SLCO6A1: variants seen among roughly 807,000 people sequenced by gnomAD.
The protein encoded by SLCO6A1 is solute carrier organic anion transporter family member 6A1.
SLCO6A1 carries 65 observed loss-of-function variants against 72.7 expected under a neutral mutation model. That is an observed-to-expected ratio of 0.89 (90% CI 0.73 to 1.10). The LOEUF (loss-of-function observed/expected upper bound fraction) is 1.10. Ranked by LOEUF, SLCO6A1 falls within the 50% of genes least tolerant of loss-of-function variation. The pLI, the probability that SLCO6A1 is intolerant of heterozygous loss-of-function variation, is 0.00. For synonymous variants in SLCO6A1, 314 were observed against 298.2 expected (o/e 1.05, Z -0.55); for missense variants, 874 against 872.6 (o/e 1.00, Z -0.02).
intron 9 of SLCO6A1, among the ~76,000 whole-genome samples, chr5:102,406,575 C>T (rs906053252): frequency 1.3e-5 from 2 of 151,708 alleles, no homozygotes; most frequent in African/African-American, 4.8e-5. Context: ...GAAAATTTGG[C>T]TTAAAATTAG....
At chr5:102,375,854 G>A (rs1901513) in intron 12 of SLCO6A1, among the ~76,000 whole-genome samples, 51,220 of 151,692 alleles carry the variant, frequency 0.34, 8,813 homozygotes, top group Middle Eastern at 0.37. Flanking sequence ...GGAAAAATGA[G>A]ATAAAATAAA....
intron 9 of SLCO6A1, among the ~76,000 whole-genome samples, chr5:102,406,665 T>C (rs1296211782): frequency 1.3e-5 from 2 of 152,100 alleles, no homozygotes; most frequent in African/African-American, 4.8e-5. Context: ...ATAGTTATGA[T>C]TAATGTGTTC....
At chr5:102,471,050 T>C (rs1011226055) in intron 4 of SLCO6A1, among the ~76,000 whole-genome samples, 4 of 151,978 alleles carry the variant, frequency 2.6e-5, no homozygotes, top group Non-Finnish European at 5.9e-5. Flanking sequence ...GGGCATGGTT[T>C]TTCTTTCGTG....
chr5:102,395,504 T>C (rs1747022569), intron 10 of SLCO6A1, among the ~76,000 whole-genome samples: 1 of 152,214 alleles, frequency 6.6e-6, no homozygotes, highest in South Asian at 2.1e-4. Flanking sequence ...TAAACATACA[T>C]GTGCATGTGT....
intron 12 of SLCO6A1, among the ~76,000 whole-genome samples, chr5:102,386,907 C>G (rs556854963): frequency 3.3e-5 from 5 of 152,160 alleles, no homozygotes; most frequent in African/African-American, 4.8e-5. Flanking sequence ...GAGGGTATCT[C>G]TCTGCACTGT....
intron 9 of SLCO6A1, among the ~76,000 whole-genome samples, chr5:102,401,236 A>C (rs1747382087): frequency 6.6e-6 from 1 of 152,130 alleles, no homozygotes; most frequent in Non-Finnish European, 1.5e-5. Flanking sequence ...CTTGCTTGAA[A>C]AGTTGAAAGA....
chr5:102,402,271 C>T (rs569995965), intron 9 of SLCO6A1, among the ~76,000 whole-genome samples: 1 of 152,090 alleles, frequency 6.6e-6, no homozygotes, highest in East Asian at 1.9e-4. Context: ...GAAAGAGCCT[C>T]AAGATGAATT....
rs76193868 is a variant in SLCO6A1 at position 102,373,384 on chromosome 5, T to C, written c.2128A>G (p.Lys710Glu). Residue 710 changes from lysine to glutamate, a missense_variant, in exon 13 of 14, where the codon AAA becomes GAA. Physicochemically the swap from Lys to Glu is moderately conservative, Grantham distance 56. Transcript: ENST00000506729. ...DFPDVTVKNPKVKKKEETDL is the reference protein window; with the variant it reads ...DFPDVTVKNPEVKKKEETDL Reference sequence around the variant, plus strand: ...TCAGTTTCTTCTTTTTTCTTAACTTTTGGATTCTTCACAGTTACATCTGGG... The same window carrying C: ...TCAGTTTCTTCTTTTTTCTTAACTTCTGGATTCTTCACAGTTACATCTGGG... 315 of 1,575,166 alleles carry C rather than the reference T, an allele frequency of 2.0e-4. No homozygotes were observed. The African/African-American group carries it at 3.4e-3, about 17-fold the overall frequency.
At chr5:102,439,519 T>C (rs1204043487) in intron 6 of SLCO6A1, among the ~76,000 whole-genome samples, 1 of 152,162 alleles carries the variant, frequency 6.6e-6, no homozygotes, top group African/African-American at 2.4e-5. Flanking sequence ...TTAGGTATGA[T>C]CATAGTCTGC....
chr5:102,380,921 T>C (rs981222302), intron 12 of SLCO6A1, among the ~76,000 whole-genome samples: 1 of 151,992 alleles, frequency 6.6e-6, no homozygotes, highest in African/African-American at 2.4e-5. Flanking sequence ...CACCAGTCCA[T>C]GGAATTCTTT....
intron 9 of SLCO6A1, among the ~76,000 whole-genome samples, chr5:102,409,655 C>T (rs750005032): frequency 4.6e-5 from 7 of 152,028 alleles, no homozygotes; most frequent in Non-Finnish European, 1.0e-4. Context: ...TCTTTCATAT[C>T]GATTTTATTC....
At chr5:102,381,222 C>T (rs1016611962) in intron 12 of SLCO6A1, among the ~76,000 whole-genome samples, 1 of 151,724 alleles carries the variant, frequency 6.6e-6, no homozygotes, top group African/African-American at 2.4e-5. Flanking sequence ...TGACCAATAT[C>T]TCTCATTTCC....
chr5:102,425,804 C>T (rs10074939), intron 7 of SLCO6A1, among the ~76,000 whole-genome samples: 97,132 of 151,936 alleles, frequency 0.64, 31,237 homozygotes, highest in African/African-American at 0.66. Context: ...AGAGCCCATA[C>T]AGCCAAGACA....
At chr5:102,389,454 C>CGG (rs1554065644) in intron 11 of SLCO6A1, among the ~76,000 whole-genome samples, 4 of 82,108 alleles carry the variant, frequency 4.9e-5, no homozygotes, top group Admixed American at 1.2e-4. Flanking sequence ...CGCCCCCCAC[C>CGG]CCCACACACA....
intron 8 of SLCO6A1, among the ~76,000 whole-genome samples, chr5:102,417,148 G>A (rs1482126127): frequency 6.6e-6 from 1 of 151,930 alleles, no homozygotes; most frequent in Non-Finnish European, 1.5e-5. Context: ...TACTTGATCT[G>A]GTGTTATACT....
chr5:102,375,304 AC>A (rs1745718973), intron 12 of SLCO6A1, among the ~76,000 whole-genome samples: 1 of 152,124 alleles, frequency 6.6e-6, no homozygotes, highest in Non-Finnish European at 1.5e-5. Context: ...CTAGTCACTT[AC>A]CCCTCGAAAA....
rs190246091 is a variant in SLCO6A1 at position 102,471,052 on chromosome 5, T to C, written c.899+4645A>G. Among the ~76,000 whole-genome samples, 58 of 152,156 alleles carry C rather than the reference T, an allele frequency of 3.8e-4. No individual in the cohort carries two copies. In the East Asian group the frequency reaches 0.011, roughly 28 times the overall value. On this transcript the variant is annotated intron_variant, in intron 4 of 13. Coordinates refer to ENST00000506729, the MANE Select transcript of SLCO6A1 (RefSeq NM_173488.5). ...TTCTCCTTTCTTGGGGCATGGTTTT[T>C]CTTTCGTGAGTTGTTGTAATGATTT...
Position 102,415,097 on chromosome 5 carries a change from G to T in SLCO6A1, c.1473-1954C>A, listed in dbSNP as rs112660585. On this transcript the variant is annotated intron_variant, in intron 8 of 13. Coordinates refer to ENST00000506729, the MANE Select transcript of SLCO6A1 (RefSeq NM_173488.5). ...AATGGAAAAACTTTCCATGATCATG[G>T]ATCAGAAGAATTAATCTTGTTAAAA... Among the ~76,000 whole-genome samples, 317 of 152,046 alleles carry T rather than the reference G, an allele frequency of 2.1e-3. 3 individuals are homozygous for T. The highest frequency in any genetic ancestry group is 7.3e-3 in the African/African-American group (302 of 41,518).
At chr5:102,396,184 T>G (rs1355459421) in intron 10 of SLCO6A1, among the ~76,000 whole-genome samples, 2 of 152,118 alleles carry the variant, frequency 1.3e-5, no homozygotes, top group Admixed American at 6.6e-5. Flanking sequence ...GGTCTAACAT[T>G]TAAGTGTTTA....
Sources: allele counts gnomAD v4.1 joint callset (sites outside exome capture counted in the v4.1 genomes callset), GRCh38; gene constraint gnomAD v4.1.1; transcripts MANE v1.5; gene names NCBI Gene and HGNC (gene_info 2026-07-23, HGNC 2026-07-21).